Variants in CHD1L observed in about 807,000 individuals in gnomAD.
CHD1L encodes the protein ATP-dependent chromatin remodeler CHD1L.
CHD1L carries 118 observed loss-of-function variants against 115.9 expected under a neutral mutation model. That is an observed-to-expected ratio of 1.02 (90% CI 0.88 to 1.19). CHD1L has a LOEUF of 1.19. Ranked by LOEUF, CHD1L falls within the 50% of genes most tolerant of loss-of-function variation. The probability of loss-of-function intolerance (pLI) is 0.00; values close to 1 mark genes in which losing one functional copy is unlikely to be tolerated. For synonymous variants in CHD1L, 411 were observed against 387.1 expected, an observed-to-expected ratio of 1.06 and a Z score of -0.72; for missense variants, 1,179 against 1,065.3, an observed-to-expected ratio of 1.11 and a Z score of -1.49.
rs1673674600 is a variant in CHD1L at position 147,265,840 on chromosome 1, GAAAC to G, written c.740-88_740-85del. On this transcript the variant is annotated intron_variant, in intron 7 of 22. Transcript: ENST00000369258. ...AGAATGCAAAATAAGCGTGAAATAA[GAAAC>G]AAAAATAAATTTCTTTAAGTTCTCT... The G allele has an allele frequency of 3.3e-6, 4 of 1,215,086 alleles. No homozygotes were observed. The South Asian group carries it at 7.1e-5, about 22-fold the overall frequency. The allele number at this position is 1,215,086 out of a possible 1,614,324, so 75.3% of individuals were successfully genotyped here.
intron 12 of CHD1L, among the ~76,000 whole-genome samples, chr1:147,274,851 T>C (rs1016517273): frequency 1.3e-5 from 2 of 152,206 alleles, no homozygotes; most frequent in Admixed American, 6.5e-5. Flanking sequence ...CCCACTCTGC[T>C]CAGGAGTATA....
At chr1:147,266,191 G>A in intron 8 of CHD1L, 104 bp downstream of exon 8, 2 of 1,120,482 alleles carry the variant, frequency 1.8e-6, no homozygotes, top group Non-Finnish European at 2.5e-6. Context: ...AAGAATATGG[G>A]ATGGAATTTT....
At chr1:147,234,684 T>C in the CHD1L span, among the ~76,000 whole-genome samples, 5 of 152,200 alleles carry the variant, frequency 3.3e-5, no homozygotes, top group African/African-American at 9.7e-5. Context: ...TATGGAGTAA[T>C]AGTGAAAAAT....
At chr1:147,251,422 C>G (rs1212603816) in intron 1 of CHD1L, among the ~76,000 whole-genome samples, 2 of 152,110 alleles carry the variant, frequency 1.3e-5, no homozygotes, top group African/African-American at 4.8e-5. Context: ...TAAGTATACT[C>G]CCATCAGAAA....
At chr1:147,256,697 C>A in intron 5 of CHD1L, 135 bp downstream of exon 5, 1 of 768,048 alleles carries the variant, frequency 1.3e-6, no homozygotes, top group Non-Finnish European at 2.2e-6. Flanking sequence ...GGGTAGGCGG[C>A]ATGGTGGGAG....
intron 8 of CHD1L, 77 bp downstream of exon 8, chr1:147,266,164 C>A: frequency 7.4e-7 from 1 of 1,357,616 alleles, no homozygotes; most frequent in Non-Finnish European, 1.0e-6. Flanking sequence ...TATAATCACA[C>A]TCATTTGTAT....
At chr1:147,211,491 A>C in the CHD1L span, 1 of 152,202 alleles carries the variant, frequency 6.6e-6, no homozygotes, top group South Asian at 2.1e-4. Context: ...GTGTTTTTCA[A>C]ACAAAGTTGC....
At chr1:147,192,766 T>A in the CHD1L span, among the ~76,000 whole-genome samples, 4 of 152,192 alleles carry the variant, frequency 2.6e-5, no homozygotes, top group African/African-American at 9.7e-5. Context: ...TCTATTGAGA[T>A]AATCATGTGG....
chr1:147,295,482 T>C lies in CHD1L; in HGVS notation c.2667T>C (p.Ser889=). ...CTGTCCTTCATTCACAGTCTTCATC[T>C]TCCTCCTCAAGACAGCTGGTGCCTT... ...KSAVLHSQSS[S]SSSRQLVP The change falls in exon 23 of 23, where the codon TCT becomes TCC. Residue 889 remains serine, a synonymous_variant. Coordinates refer to ENST00000369258, the MANE Select transcript of CHD1L (RefSeq NM_004284.6). 6.2e-7 allele frequency: 1 copy of C among 1,611,238 alleles called. No homozygotes were observed. The highest frequency in any genetic ancestry group is 8.5e-7 in the Non-Finnish European group (1 of 1,178,396).
chr1:147,276,258 G>GTA lies in CHD1L; in HGVS notation c.1539+3_1539+4dup. On this transcript the variant is annotated splice_donor_variant, in intron 14 of 22. Coordinates refer to ENST00000369258, the MANE Select transcript of CHD1L (RefSeq NM_004284.6). LOFTEE classifies it high-confidence loss of function. ...ACCCGCTGCCGATGCTGACCTCCAG[G>GTA]TATGATATGATATACTGTTCTTCAC... 1.9e-6 allele frequency: 3 copies of GTA among 1,614,076 alleles called. No homozygotes were observed. The highest frequency in any genetic ancestry group is 2.5e-6 in the Non-Finnish European group (3 of 1,179,962).
chr1:147,238,294 C>T (rs943742063), upstream of CHD1L, among the ~76,000 whole-genome samples: 1 of 152,194 alleles, frequency 6.6e-6, no homozygotes, highest in African/African-American at 2.4e-5. Flanking sequence ...ACTTTGGTCA[C>T]AGCTTTTATC....
At chr1:147,191,361 TTAATGATCGCCATTC>T in the CHD1L span, among the ~76,000 whole-genome samples, 1 of 152,172 alleles carries the variant, frequency 6.6e-6, no homozygotes, top group Non-Finnish European at 1.5e-5. Context: ...TCCTGACTTT[TTAATGATCGCCATTC>T]TAACTGGTGT....
intron 19 of CHD1L, among the ~76,000 whole-genome samples, chr1:147,288,063 T>C (rs1683957468): frequency 6.6e-6 from 1 of 152,150 alleles, no homozygotes; most frequent in African/African-American, 2.4e-5. Context: ...CAGTGGCCCA[T>C]GCCTGTAATC....
chr1:147,218,322 G>A, the CHD1L span, among the ~76,000 whole-genome samples: 12 of 151,442 alleles, frequency 7.9e-5, no homozygotes, highest in Admixed American at 5.9e-4. Context: ...TGCAACCTCT[G>A]CCTCCTGGGT....
chr1:147,232,645 C>T, the CHD1L span, among the ~76,000 whole-genome samples: 21 of 151,800 alleles, frequency 1.4e-4, no homozygotes, highest in East Asian at 3.9e-4. Flanking sequence ...ATTGCAGGCA[C>T]GCGCCGCCAC....
the CHD1L span, among the ~76,000 whole-genome samples, chr1:147,174,107 C>T: frequency 1.3e-5 from 2 of 152,168 alleles, no homozygotes; most frequent in African/African-American, 4.8e-5. Flanking sequence ...CACTACTCCC[C>T]TATTCTTTGC....
the CHD1L span, chr1:147,201,428 T>G: frequency 6.2e-7 from 1 of 1,614,172 alleles, no homozygotes. Context: ...TCCTTCACAT[T>G]TCCTTTCACT....
the CHD1L span, chr1:147,224,954 C>T: frequency 6.2e-7 from 1 of 1,613,878 alleles, no homozygotes; most frequent in Non-Finnish European, 8.5e-7. Context: ...GGTTCCAAGC[C>T]TTCTTCTACG....
Position 147,286,409 on chromosome 1 carries a change from A to G in CHD1L, c.2130A>G (p.Gln710=). 4.3e-6 allele frequency: 7 copies of G among 1,614,182 alleles called. No individual in the cohort carries two copies. The highest frequency in any genetic ancestry group is 2.2e-5 in the East Asian group (1 of 44,874). The change falls in exon 18 of 23, where the codon CAA becomes CAG. Residue 710 remains glutamine, a synonymous_variant. Coordinates refer to ENST00000369258, the MANE Select transcript of CHD1L (RefSeq NM_004284.6). Reference sequence around the variant, plus strand: ...AGAGCTCTGCTGAGCTGGATTACCAAGACCCAGATGCTACTTCCCTCAAGT... The same window carrying G: ...AGAGCTCTGCTGAGCTGGATTACCAGGACCCAGATGCTACTTCCCTCAAGT... ...GEESSAELDY[Q]DPDATSLKYV...
Sources: allele counts gnomAD v4.1 joint callset (sites outside exome capture counted in the v4.1 genomes callset), GRCh38; gene constraint gnomAD v4.1.1; transcripts MANE v1.5; gene names NCBI Gene and HGNC (gene_info 2026-07-23, HGNC 2026-07-21).